Variants in VTI1A observed in about 807,000 individuals in gnomAD.
The protein encoded by VTI1A is vesicle transport through interaction with t-SNAREs 1A.
In VTI1A, 22 loss-of-function variants were observed where a neutral mutation model predicts 34.9. That is an observed-to-expected ratio of 0.63 (90% CI 0.45 to 0.90). The LOEUF (loss-of-function observed/expected upper bound fraction) is 0.90, where lower values mean the gene tolerates loss of function less well. VTI1A is among the 40% of genes least tolerant of loss of function. The pLI is 0.00. For missense variants in VTI1A, 268 were observed against 275.6 expected (o/e 0.97, Z 0.20); for synonymous variants, 87 against 97.3 (o/e 0.89, Z 0.62).
intron 5 of VTI1A, among the ~76,000 whole-genome samples, chr10:112,594,240 C>T (rs1008159946): frequency 2.6e-5 from 4 of 152,122 alleles, no homozygotes; most frequent in Admixed American, 2.0e-4. Flanking sequence ...CACTTCACAC[C>T]GTGCACTTGT....
chr10:112,847,936 C>CT, the VTI1A span, among the ~76,000 whole-genome samples: 5 of 152,148 alleles, frequency 3.3e-5, no homozygotes, highest in Non-Finnish European at 7.3e-5. Context: ...AAGAAACCAT[C>CT]TTGGACAGTC....
intron 5 of VTI1A, among the ~76,000 whole-genome samples, chr10:112,606,317 G>A (rs775840257): frequency 4.6e-5 from 7 of 152,064 alleles, no homozygotes; most frequent in African/African-American, 9.7e-5. Flanking sequence ...GAGCCACCGC[G>A]CCCGGCCATT....
At chr10:112,785,116 A>C (rs1182620909) in intron 7 of VTI1A, among the ~76,000 whole-genome samples, 3 of 152,216 alleles carry the variant, frequency 2.0e-5, no homozygotes, top group South Asian at 2.1e-4. Context: ...GAATATAAGC[A>C]CAGCCAGTAA....
At chr10:112,597,514 G>A (rs995570969) in intron 5 of VTI1A, among the ~76,000 whole-genome samples, 1 of 152,102 alleles carries the variant, frequency 6.6e-6, no homozygotes, top group African/African-American at 2.4e-5. Context: ...CACCACACCT[G>A]GCCTGGGCTG....
intron 3 of VTI1A, among the ~76,000 whole-genome samples, chr10:112,525,782 G>C (rs957357703): frequency 6.6e-6 from 1 of 152,056 alleles, no homozygotes; most frequent in African/African-American, 2.4e-5. Context: ...AAAGTCTATT[G>C]GTTGTTCTTG....
At chr10:112,488,001 A>C (rs1848700965) in intron 3 of VTI1A, among the ~76,000 whole-genome samples, 1 of 152,212 alleles carries the variant, frequency 6.6e-6, no homozygotes, top group Non-Finnish European at 1.5e-5. Flanking sequence ...AGAAATGTTC[A>C]AATAACTGTT....
intron 5 of VTI1A, among the ~76,000 whole-genome samples, chr10:112,632,765 T>C (rs1846184265): frequency 6.6e-6 from 1 of 152,202 alleles, no homozygotes; most frequent in Admixed American, 6.5e-5. Context: ...ATGCGACTTG[T>C]AGTATTTGAG....
chr10:112,620,060 C>A (rs1176825249), intron 5 of VTI1A, among the ~76,000 whole-genome samples: 1 of 152,178 alleles, frequency 6.6e-6, no homozygotes, highest in Admixed American at 6.5e-5. Flanking sequence ...GTCTGGAAAT[C>A]CTGGTGACAG....
intron 7 of VTI1A, among the ~76,000 whole-genome samples, chr10:112,690,307 GTA>G (rs533641766): frequency 2.6e-5 from 4 of 152,206 alleles, no homozygotes; most frequent in Non-Finnish European, 5.9e-5. Flanking sequence ...CATATGGTAA[GTA>G]TATGTTTAAT....
At chr10:112,687,093 T>A (rs1848440995) in intron 7 of VTI1A, among the ~76,000 whole-genome samples, 1 of 151,438 alleles carries the variant, frequency 6.6e-6, no homozygotes, top group African/African-American at 2.4e-5. Flanking sequence ...AATGGAGGGG[T>A]AGAGGGGAGC....
At chr10:112,658,721 T>C (rs983852025) in intron 5 of VTI1A, among the ~76,000 whole-genome samples, 1 of 152,170 alleles carries the variant, frequency 6.6e-6, no homozygotes. Flanking sequence ...AGTACCTGGC[T>C]GTTCTAAAGA....
At chr10:112,736,107 GTGTGTATATATATA>G (rs1030874913) in intron 7 of VTI1A, among the ~76,000 whole-genome samples, 7 of 100,878 alleles carry the variant, frequency 6.9e-5, no homozygotes, top group Admixed American at 3.7e-4. Context: ...ATATATGTGT[GTGTGTATATATATA>G]TATATATATA....
chr10:112,761,770 CTGTG>C (rs57330053), intron 7 of VTI1A, among the ~76,000 whole-genome samples: 10,834 of 145,900 alleles, frequency 0.074, 419 homozygotes, highest in East Asian at 0.1. Context: ...CTTTCTTTCT[CTGTG>C]TGTGTGTGTG....
chr10:112,663,089 C>T (rs914815702), intron 5 of VTI1A, among the ~76,000 whole-genome samples: 13 of 152,206 alleles, frequency 8.5e-5, no homozygotes. Context: ...TTTCTCTTTA[C>T]TGACGAGCTC....
chr10:112,478,521 T>C (rs1041976146), intron 3 of VTI1A, among the ~76,000 whole-genome samples: 2 of 152,208 alleles, frequency 1.3e-5, no homozygotes, highest in Admixed American at 1.3e-4. Flanking sequence ...TCTTCTGCGT[T>C]GCTTCAGAGC....
At chr10:112,750,598 C>G (rs189421295) in intron 7 of VTI1A, among the ~76,000 whole-genome samples, 97 of 152,248 alleles carry the variant, frequency 6.4e-4, no homozygotes, top group African/African-American at 2.2e-3. Context: ...TGTGGGAGAA[C>G]AAACTAACTG....
chr10:112,462,478 T>G (rs1336465130), intron 2 of VTI1A, among the ~76,000 whole-genome samples: 10 of 152,344 alleles, frequency 6.6e-5, no homozygotes, highest in Admixed American at 5.9e-4. Context: ...CTTGCAAGTA[T>G]TTTTGCTGTT....
chr10:112,654,431 C>T (rs937291378), intron 5 of VTI1A, among the ~76,000 whole-genome samples: 3 of 152,060 alleles, frequency 2.0e-5, no homozygotes, highest in Non-Finnish European at 4.4e-5. Flanking sequence ...ATATTAAGAT[C>T]GTATCACCTT....
chr10:112,816,001 A>G lies in VTI1A; in HGVS notation c.*618A>G, dbSNP rs758330809. On this transcript the variant is annotated 3_prime_UTR_variant, in exon 8 of 8. Transcript: ENST00000393077. Reference sequence around the variant, plus strand: ...TATTGCATAATTTTTTTTTTAACCCAAAGATATTTTTTTTGCTGAGCCTGC... The same window carrying G: ...TATTGCATAATTTTTTTTTTAACCCGAAGATATTTTTTTTGCTGAGCCTGC... 30 of 225,226 alleles carry G rather than the reference A, an allele frequency of 1.3e-4. No homozygotes were observed. Among genetic ancestry groups the G allele is most frequent in the Middle Eastern group, 1.3e-3 (1 of 760 alleles). The allele number at this position is 225,226 out of a possible 1,614,324, so 14.0% of individuals were successfully genotyped here.
Sources: allele counts gnomAD v4.1 joint callset (sites outside exome capture counted in the v4.1 genomes callset), GRCh38; gene constraint gnomAD v4.1.1; transcripts MANE v1.5; gene names NCBI Gene and HGNC (gene_info 2026-07-23, HGNC 2026-07-21).